Variants in NAALADL2 observed in about 807,000 individuals in gnomAD.
NAALADL2 encodes the protein N-acetylated alpha-linked acidic dipeptidase like 2, also known as inactive N-acetylated-alpha-linked acidic dipeptidase-like protein 2.
In NAALADL2, 76 loss-of-function variants were observed where a neutral mutation model predicts 87.2. That is an observed-to-expected ratio of 0.87 (90% CI 0.72 to 1.05). NAALADL2 has a LOEUF of 1.05. Ranked by LOEUF, NAALADL2 falls within the 50% of genes least tolerant of loss-of-function variation. NAALADL2 has a pLI of 0.00. For synonymous variants in NAALADL2, 354 were observed against 331.0 expected (o/e 1.07, Z -0.75); for missense variants, 1,089 against 945.8 (o/e 1.15, Z -1.99).
chr3:175,255,843 G>A (rs915345502), intron 3 of NAALADL2, among the ~76,000 whole-genome samples: 12 of 152,210 alleles, frequency 7.9e-5, no homozygotes, highest in African/African-American at 2.9e-4. Context: ...TAAAGTCCTG[G>A]GTTGCTAGAC....
chr3:174,829,118 GTTGTTT>G (rs1241477508), intron 3 of NAALADL2, among the ~76,000 whole-genome samples: 1 of 142,960 alleles, frequency 7.0e-6, no homozygotes, highest in African/African-American at 2.5e-5. Context: ...TGTTGTTGTT[GTTGTTT>G]TTAATTATAC....
intron 2 of NAALADL2, among the ~76,000 whole-genome samples, chr3:174,559,416 G>T (rs371815535): frequency 1.3e-5 from 2 of 152,280 alleles, no homozygotes; most frequent in Admixed American, 1.3e-4. Flanking sequence ...GGTAAGTACT[G>T]CTCTTAACAG....
At chr3:175,758,543 C>T (rs1747574454) in intron 13 of NAALADL2, among the ~76,000 whole-genome samples, 1 of 151,964 alleles carries the variant, frequency 6.6e-6, no homozygotes, top group African/African-American at 2.4e-5. Context: ...AATCATCCTA[C>T]TTCATGTTTT....
At chr3:175,446,462 G>C (rs1720723827) in intron 5 of NAALADL2, among the ~76,000 whole-genome samples, 1 of 152,086 alleles carries the variant, frequency 6.6e-6, no homozygotes, top group Admixed American at 6.5e-5. Flanking sequence ...GGCTAGTCTT[G>C]AAATCCTGAC....
intron 5 of NAALADL2, among the ~76,000 whole-genome samples, chr3:175,355,902 C>G (rs1764305332): frequency 6.6e-6 from 1 of 152,164 alleles, no homozygotes; most frequent in South Asian, 2.1e-4. Context: ...TTGAACAAGA[C>G]CTTGACAAAT....
intron 3 of NAALADL2, among the ~76,000 whole-genome samples, chr3:174,839,863 A>G (rs73047977): frequency 0.14 from 21,160 of 151,788 alleles, 1,640 homozygotes; most frequent in African/African-American, 0.19. Context: ...AGTTGTTCGC[A>G]TGGATGCGGT....
chr3:175,069,736 A>G (rs1715240256), intron 1 of NAALADL2, among the ~76,000 whole-genome samples: 1 of 152,056 alleles, frequency 6.6e-6, no homozygotes, highest in Non-Finnish European at 1.5e-5. Flanking sequence ...GGCACTATTC[A>G]CAATAGCAAA....
At chr3:175,336,239 A>T (rs1315474848) in intron 5 of NAALADL2, among the ~76,000 whole-genome samples, 3 of 152,144 alleles carry the variant, frequency 2.0e-5, no homozygotes, top group East Asian at 3.9e-4. Context: ...ACTAAGCTAC[A>T]CTACAGATTT....
At chr3:174,849,579 A>G (rs560487977) in intron 3 of NAALADL2, among the ~76,000 whole-genome samples, 3 of 152,138 alleles carry the variant, frequency 2.0e-5, no homozygotes, top group South Asian at 2.1e-4. Flanking sequence ...TACTAAAAAT[A>G]CAAAAATTAG....
At chr3:174,752,140 G>T (rs1734896319) in intron 3 of NAALADL2, among the ~76,000 whole-genome samples, 1 of 151,804 alleles carries the variant, frequency 6.6e-6, no homozygotes, top group Admixed American at 6.6e-5. Context: ...ACCATGCCCG[G>T]CTATTTTTGT....
At chr3:174,636,127 A>G (rs1722623263) in intron 2 of NAALADL2, among the ~76,000 whole-genome samples, 1 of 152,256 alleles carries the variant, frequency 6.6e-6, no homozygotes, top group African/African-American at 2.4e-5. Context: ...TTAAAACTGG[A>G]TAACCATATG....
chr3:175,337,846 A>C (rs1454563669), intron 5 of NAALADL2, among the ~76,000 whole-genome samples: 1 of 152,180 alleles, frequency 6.6e-6, no homozygotes, highest in East Asian at 1.9e-4. Context: ...CAACTATTAG[A>C]TGTTTCACTA....
chr3:175,377,713 T>A (rs1268708977), intron 5 of NAALADL2, among the ~76,000 whole-genome samples: 1 of 152,112 alleles, frequency 6.6e-6, no homozygotes, highest in Non-Finnish European at 1.5e-5. Flanking sequence ...CCATCCTGTG[T>A]CTATAAAAGC....
chr3:175,524,427 A>G (rs4340713), intron 9 of NAALADL2, among the ~76,000 whole-genome samples: 106,881 of 151,246 alleles, frequency 0.71, 40,521 homozygotes, highest in East Asian at 0.87. Flanking sequence ...TTTTGTGTGT[A>G]CTTTTATCAT....
chr3:175,056,383 C>A (rs111540661), intron 1 of NAALADL2, among the ~76,000 whole-genome samples: 2 of 152,278 alleles, frequency 1.3e-5, no homozygotes, highest in Non-Finnish European at 2.9e-5. Context: ...AGCTCCCCTT[C>A]TTACTCACCA....
intron 3 of NAALADL2, among the ~76,000 whole-genome samples, chr3:174,851,270 A>T (rs1035102307): frequency 1.3e-5 from 2 of 151,814 alleles, no homozygotes; most frequent in African/African-American, 4.8e-5. Context: ...AGCAGAAGTA[A>T]ATGGGATTGA....
intron 1 of NAALADL2, among the ~76,000 whole-genome samples, chr3:174,509,362 G>A (rs1018298146): frequency 6.7e-6 from 1 of 148,390 alleles, no homozygotes; most frequent in Non-Finnish European, 1.5e-5. Context: ...ATAGTGGGTG[G>A]AGAGAGAGAG....
At chr3:174,741,907 A>G (rs1431729533) in intron 3 of NAALADL2, among the ~76,000 whole-genome samples, 2 of 151,756 alleles carry the variant, frequency 1.3e-5, no homozygotes, top group Non-Finnish European at 3.0e-5. Flanking sequence ...CAAATATGAC[A>G]TATGGTCTCT....
At chr3:174,785,203 A>G (rs1716498813) in intron 3 of NAALADL2, among the ~76,000 whole-genome samples, 1 of 152,118 alleles carries the variant, frequency 6.6e-6, no homozygotes, top group Admixed American at 6.6e-5. Flanking sequence ...ATTAGTCTTC[A>G]GTATTTACTG....
Sources: gnomAD v4.1 joint callset for allele counts (sites outside exome capture counted in the v4.1 genomes callset) on GRCh38, gnomAD v4.1.1 for gene constraint, MANE v1.5 for transcripts, NCBI Gene and HGNC (gene_info 2026-07-23, HGNC 2026-07-21) for gene names.